Variants in SAMD12 observed in about 807,000 individuals in gnomAD.
SAMD12 encodes sterile alpha motif domain-containing protein 12.
A neutral mutation model predicts 15.0 loss-of-function variants in SAMD12; 9 were observed. That is an observed-to-expected ratio of 0.60 (90% CI 0.36 to 1.05). The LOEUF is 1.05. Among genes scored for constraint, SAMD12 ranks in the 50% least tolerant of loss-of-function variants. The pLI is 0.01. For synonymous variants in SAMD12, 86 were observed against 90.1 expected, an observed-to-expected ratio of 0.96 and a Z score of 0.25; for missense variants, 230 against 234.2, an observed-to-expected ratio of 0.98 and a Z score of 0.12.
intron 4 of SAMD12, among the ~76,000 whole-genome samples, chr8:118,229,747 C>A (rs1812267057): frequency 6.6e-6 from 1 of 152,142 alleles, no homozygotes; most frequent in Non-Finnish European, 1.5e-5. Context: ...CTCCAGTCTC[C>A]CCCTTCATTA....
intron 3 of SAMD12, among the ~76,000 whole-genome samples, chr8:118,413,898 G>A (rs1352748572): frequency 1.5e-5 from 2 of 137,474 alleles, no homozygotes; most frequent in Non-Finnish European, 3.1e-5. Context: ...AACCCATTAT[G>A]AAAGATAATT....
At chr8:118,270,664 A>G (rs1251945993) in intron 4 of SAMD12, among the ~76,000 whole-genome samples, 8 of 152,216 alleles carry the variant, frequency 5.3e-5, no homozygotes, top group African/African-American at 9.6e-5. Context: ...GTCACAGAAC[A>G]TAATGTGTGC....
At chr8:118,475,539 G>A (rs1424711995) in intron 2 of SAMD12, among the ~76,000 whole-genome samples, 1 of 152,136 alleles carries the variant, frequency 6.6e-6, no homozygotes, top group Non-Finnish European at 1.5e-5. Flanking sequence ...TGACCCTGAG[G>A]CATAGTATGC....
chr8:118,507,440 G>C (rs113514934), intron 2 of SAMD12, among the ~76,000 whole-genome samples: 18 of 151,806 alleles, frequency 1.2e-4, no homozygotes, highest in African/African-American at 4.4e-4. Flanking sequence ...ATGATGTACC[G>C]AGCCTGATAC....
At chr8:118,330,204 A>G (rs559883342) in intron 4 of SAMD12, among the ~76,000 whole-genome samples, 2 of 152,310 alleles carry the variant, frequency 1.3e-5, no homozygotes, top group Admixed American at 1.3e-4. Context: ...AAGACACAAG[A>G]TGTAGCTACG....
chr8:118,377,889 A>T (rs1819467697), downstream of SAMD12: 2 of 152,196 alleles, frequency 1.3e-5, no homozygotes, highest in Admixed American at 6.5e-5. Flanking sequence ...GTTGAAGCTT[A>T]AAAAAATGCA....
chr8:118,156,622 A>G, the SAMD12 span, among the ~76,000 whole-genome samples: 2 of 152,218 alleles, frequency 1.3e-5, no homozygotes, highest in African/African-American at 2.4e-5. Context: ...TTTTAAGTGC[A>G]TAATTCAATT....
At chr8:118,232,645 T>G (rs1812341433) in intron 4 of SAMD12, among the ~76,000 whole-genome samples, 1 of 152,062 alleles carries the variant, frequency 6.6e-6, no homozygotes, top group African/African-American at 2.4e-5. Flanking sequence ...TCTTTCCTCC[T>G]GCAAGTGAAG....
intron 1 of SAMD12, chr8:118,621,501 A>T (rs150752790): frequency 4.3e-6 from 2 of 466,548 alleles, no homozygotes; most frequent in Non-Finnish European, 3.8e-6. Context: ...CCAAAACCTC[A>T]TGCCGGATCC....
intron 4 of SAMD12, among the ~76,000 whole-genome samples, chr8:118,244,031 G>T (rs1812630922): frequency 6.6e-6 from 1 of 152,040 alleles, no homozygotes; most frequent in African/African-American, 2.4e-5. Context: ...AGGGAACCCT[G>T]AGAATAATAC....
At chr8:118,328,825 G>T (rs1403855647) in intron 4 of SAMD12, among the ~76,000 whole-genome samples, 1 of 152,050 alleles carries the variant, frequency 6.6e-6, no homozygotes, top group Non-Finnish European at 1.5e-5. Context: ...TCATATCACT[G>T]GTCATATCAT....
intron 4 of SAMD12, among the ~76,000 whole-genome samples, chr8:118,372,624 T>C (rs1819163355): frequency 6.6e-6 from 1 of 152,082 alleles, no homozygotes; most frequent in Non-Finnish European, 1.5e-5. Flanking sequence ...TCAGTGTTTA[T>C]AATAAAAACC....
chr8:118,318,325 T>TATATATATATATATATATAC (rs1563758901), intron 4 of SAMD12, among the ~76,000 whole-genome samples: 27 of 25,214 alleles, frequency 1.1e-3, no homozygotes, highest in Non-Finnish European at 3.2e-3. Flanking sequence ...TATATATATA[T>TATATATATATATATATATAC]ATATATATAT....
At chr8:118,326,731 G>A (rs1816582751) in intron 4 of SAMD12, among the ~76,000 whole-genome samples, 1 of 152,094 alleles carries the variant, frequency 6.6e-6, no homozygotes, top group African/African-American at 2.4e-5. Flanking sequence ...ATACTTTGTG[G>A]CAATGGGGTG....
intron 1 of SAMD12, among the ~76,000 whole-genome samples, chr8:118,602,014 C>T (rs966346579): frequency 3.9e-5 from 6 of 152,194 alleles, no homozygotes; most frequent in African/African-American, 1.4e-4. Context: ...TCTTCATGCA[C>T]AAGTACCCCC....
At chr8:118,419,893 G>A (rs2514989) in intron 3 of SAMD12, among the ~76,000 whole-genome samples, 33,710 of 152,108 alleles carry the variant, frequency 0.22, 3,934 homozygotes, top group East Asian at 0.36. Context: ...ATGTCCTCCT[G>A]TCTATGTTAC....
intron 2 of SAMD12, among the ~76,000 whole-genome samples, chr8:118,537,447 T>A (rs879612773): frequency 5.9e-5 from 9 of 152,196 alleles, no homozygotes; most frequent in Admixed American, 4.6e-4. Flanking sequence ...ATCTTGTAGA[T>A]ATATTTCATT....
At chr8:118,438,722 C>A (rs2130886062) in intron 3 of SAMD12, among the ~76,000 whole-genome samples, 1 of 152,180 alleles carries the variant, frequency 6.6e-6, no homozygotes, top group East Asian at 1.9e-4. Flanking sequence ...GTGAACAGAA[C>A]AAGAGAGATT....
At chr8:118,151,687 A>G in the SAMD12 span, among the ~76,000 whole-genome samples, 39,673 of 151,826 alleles carry the variant, frequency 0.26, 5,312 homozygotes, top group Admixed American at 0.31. Flanking sequence ...AAAATTAGCC[A>G]GGTGTGGTGA....
Sources: allele counts gnomAD v4.1 joint callset (sites outside exome capture counted in the v4.1 genomes callset), GRCh38; gene constraint gnomAD v4.1.1; transcripts MANE v1.5; gene names NCBI Gene and HGNC (gene_info 2026-07-23, HGNC 2026-07-21).